Variants in TMEM273 observed in about 807,000 individuals in gnomAD.
The protein encoded by TMEM273 is chromosome 10 open reading frame 128.
Under a neutral mutation model 17.9 loss-of-function variants are expected in TMEM273, and 19 were observed. The ratio of observed to expected loss-of-function variants is 1.06; its 90% CI spans 0.74 to 1.55. TMEM273 has a LOEUF of 1.55. Among genes scored for constraint, TMEM273 ranks in the 40% most tolerant of loss-of-function variants. TMEM273 has a pLI of 0.00. For synonymous variants in TMEM273, 66 were observed against 62.0 expected (o/e 1.07, Z -0.31); for missense variants, 194 against 155.6 (o/e 1.25, Z -1.31).
chr10:49,185,457 A>T (rs1405599457), intron 1 of TMEM273, among the ~76,000 whole-genome samples: 1 of 151,820 alleles, frequency 6.6e-6, no homozygotes, highest in Non-Finnish European at 1.5e-5. Flanking sequence ...CTGGTCACCC[A>T]CCCTCACAGA....
chr10:49,176,800 G>C (rs1037605676), intron 1 of TMEM273, among the ~76,000 whole-genome samples: 7 of 152,196 alleles, frequency 4.6e-5, no homozygotes, highest in African/African-American at 1.7e-4. Flanking sequence ...TCCACTTACC[G>C]GGACAGATCA....
intron 1 of TMEM273, among the ~76,000 whole-genome samples, chr10:49,169,039 A>C (rs1429269311): frequency 6.6e-6 from 1 of 152,208 alleles, no homozygotes; most frequent in Non-Finnish European, 1.5e-5. Context: ...CCCAAGAGCC[A>C]AGATAAGTGG....
intron 5 of TMEM273, among the ~76,000 whole-genome samples, chr10:49,163,277 G>A (rs1332446148): frequency 2.0e-5 from 3 of 151,382 alleles, no homozygotes; most frequent in African/African-American, 4.9e-5. Flanking sequence ...GTCTGGGTGT[G>A]TGAATATGTG....
Position 49,188,279 on chromosome 10 carries a change from G to T in TMEM273, c.43+15C>A, listed in dbSNP as rs375857671. On this transcript the variant is annotated intron_variant, in intron 1 of 6. Transcript: ENST00000374153. Reference sequence around the variant, plus strand: ...AGGCTCCCCCGGGCCAGAGACCCCCGCAGTCCCCACTTACCCAGGAGGAAG... The same window carrying T: ...AGGCTCCCCCGGGCCAGAGACCCCCTCAGTCCCCACTTACCCAGGAGGAAG... The T allele has an allele frequency of 1.2e-6, 2 of 1,613,972 alleles. No homozygotes were observed. Among genetic ancestry groups the T allele is most frequent in the Middle Eastern group, 1.6e-4 (1 of 6,062 alleles).
chr10:49,177,500 G>A (rs1307286594), intron 1 of TMEM273, among the ~76,000 whole-genome samples: 1 of 152,168 alleles, frequency 6.6e-6, no homozygotes, highest in Non-Finnish European at 1.5e-5. Context: ...TGGGGTCCTG[G>A]AGCCAGTGTC....
chr10:49,167,487 A>G (rs1342264939), intron 2 of TMEM273, among the ~76,000 whole-genome samples: 1 of 152,214 alleles, frequency 6.6e-6, no homozygotes, highest in Non-Finnish European at 1.5e-5. Flanking sequence ...GCCTAGAGTC[A>G]TGGGCGTCCA....
At chr10:49,176,836 A>G (rs1178699194) in intron 1 of TMEM273, among the ~76,000 whole-genome samples, 1 of 152,248 alleles carries the variant, frequency 6.6e-6, no homozygotes, top group Non-Finnish European at 1.5e-5. Context: ...AGGCACCAGC[A>G]TCCGTGCTAG....
intron 1 of TMEM273, among the ~76,000 whole-genome samples, chr10:49,188,023 C>T (rs1847830889): frequency 6.6e-6 from 1 of 152,222 alleles, no homozygotes; most frequent in Non-Finnish European, 1.5e-5. Context: ...AATGGAGCCA[C>T]AGTTTACACC....
chr10:49,177,615 C>T lies in TMEM273; in HGVS notation c.44-9653G>A, dbSNP rs370760319. On this transcript the variant is annotated intron_variant, in intron 1 of 6. Transcript: ENST00000374153. ...ATGCCTGAGCCTGAGTCACTGGCTC[C>T]GAGGAAGAGTCTCACAGCAGCATGG... 3.7e-4 allele frequency among the ~76,000 whole-genome samples: 57 copies of T among 152,260 alleles called. No homozygotes were observed. In the South Asian group the frequency reaches 0.011, roughly 30 times the overall value.
At chr10:49,174,219 C>T (rs764745872) in intron 1 of TMEM273, among the ~76,000 whole-genome samples, 1 of 152,230 alleles carries the variant, frequency 6.6e-6, no homozygotes, top group Non-Finnish European at 1.5e-5. Flanking sequence ...ATTTAGCTGG[C>T]TTGGGTGATA....
chr10:49,166,041 C>A (rs12243014), intron 3 of TMEM273, among the ~76,000 whole-genome samples: 6 of 152,182 alleles, frequency 3.9e-5, no homozygotes, highest in Non-Finnish European at 7.3e-5. Flanking sequence ...GCGATGCACA[C>A]GCCAGCATCT....
At chr10:49,165,070 C>T (rs1454370467) in intron 5 of TMEM273, 135 bp downstream of exon 5, 1 of 1,300,442 alleles carries the variant, frequency 7.7e-7, no homozygotes, top group South Asian at 1.6e-5. Context: ...CCGGAGCTTA[C>T]ATTTTAGAAA....
chr10:49,155,784 G>A lies in TMEM273; in HGVS notation c.*108C>T. 6.5e-7 allele frequency: 1 copy of A among 1,531,912 alleles called. No individual in the cohort carries two copies. Among genetic ancestry groups the A allele is most frequent in the Non-Finnish European group, 9.0e-7 (1 of 1,109,828 alleles). The allele number at this position is 1,531,912 out of a possible 1,614,324, so 94.9% of individuals were successfully genotyped here. ...CCTCCAATATTCAGTCCATGTGAAAGTTCATTACCAGCCTTGGGTGTTTGA... is the reference window on the plus strand; with the variant it reads ...CCTCCAATATTCAGTCCATGTGAAAATTCATTACCAGCCTTGGGTGTTTGA... On this transcript the variant is annotated 3_prime_UTR_variant, in exon 7 of 7. Coordinates refer to ENST00000374153, the MANE Select transcript of TMEM273 (RefSeq NM_001288740.3).
intron 5 of TMEM273, among the ~76,000 whole-genome samples, chr10:49,163,178 C>T (rs1564623156): frequency 6.6e-6 from 1 of 152,188 alleles, no homozygotes; most frequent in Non-Finnish European, 1.5e-5. Context: ...TGGAACTCTA[C>T]TCTCCCGCAT....
At chr10:49,174,970 C>T (rs565317518) in intron 1 of TMEM273, among the ~76,000 whole-genome samples, 8 of 152,100 alleles carry the variant, frequency 5.3e-5, no homozygotes, top group African/African-American at 1.9e-4. Context: ...GGGCACCTAA[C>T]CCAGCCTGGG....
At chr10:49,175,706 G>T (rs1846909468) in intron 1 of TMEM273, among the ~76,000 whole-genome samples, 1 of 152,254 alleles carries the variant, frequency 6.6e-6, no homozygotes, top group Non-Finnish European at 1.5e-5. Context: ...CCTCCAAGGG[G>T]GCAGGGCCCC....
chr10:49,162,495 G>A (rs1481221170), intron 5 of TMEM273, among the ~76,000 whole-genome samples: 1 of 152,244 alleles, frequency 6.6e-6, no homozygotes, highest in East Asian at 1.9e-4. Flanking sequence ...AAAGCAAAGT[G>A]CCTTAACTCA....
At chr10:49,167,805 C>G in intron 2 of TMEM273, 104 bp downstream of exon 2, 1 of 1,455,414 alleles carries the variant, frequency 6.9e-7, no homozygotes, top group Non-Finnish European at 9.6e-7. Flanking sequence ...CCTATGCTGA[C>G]AGCAGGGAAC....
chr10:49,176,569 T>C (rs907822059), intron 1 of TMEM273, among the ~76,000 whole-genome samples: 2 of 152,128 alleles, frequency 1.3e-5, no homozygotes, highest in Non-Finnish European at 2.9e-5. Flanking sequence ...AACCGCTAAG[T>C]GGTGGGGTTA....
Sources: gnomAD v4.1 joint callset for allele counts (sites outside exome capture counted in the v4.1 genomes callset) on GRCh38, gnomAD v4.1.1 for gene constraint, MANE v1.5 for transcripts, NCBI Gene and HGNC (gene_info 2026-07-23, HGNC 2026-07-21) for gene names.